Variants in NEURL1 observed in about 807,000 individuals in gnomAD.
The protein encoded by NEURL1 is neuralized E3 ubiquitin protein ligase 1, also known as E3 ubiquitin-protein ligase NEURL1.
A neutral mutation model predicts 41.2 loss-of-function variants in NEURL1; 26 were observed. The ratio of observed to expected loss-of-function variants is 0.63; its 90% CI spans 0.46 to 0.87. The LOEUF (loss-of-function observed/expected upper bound fraction) is 0.87. NEURL1 is among the 40% of genes least tolerant of loss of function. The pLI is 0.00. For synonymous variants in NEURL1, 400 were observed against 402.3 expected (o/e 0.99, Z 0.07); for missense variants, 761 against 871.1 (o/e 0.87, Z 1.59).
chr10:103,559,845 C>CACACACACATATGTGT (rs2035244046), intron 1 of NEURL1, among the ~76,000 whole-genome samples: 2 of 144,008 alleles, frequency 1.4e-5, no homozygotes, highest in African/African-American at 5.2e-5. Flanking sequence ...CACATATGTG[C>CACACACACATATGTGT]GCACACACAC....
chr10:103,569,423 A>G (rs1477954737), intron 1 of NEURL1, among the ~76,000 whole-genome samples: 3 of 152,176 alleles, frequency 2.0e-5, no homozygotes, highest in Non-Finnish European at 4.4e-5. Flanking sequence ...TTCTACCTCT[A>G]GATGTGAACC....
At chr10:103,587,043 C>T (rs1226952814) in intron 4 of NEURL1, among the ~76,000 whole-genome samples, 2 of 150,848 alleles carry the variant, frequency 1.3e-5, no homozygotes, top group African/African-American at 4.9e-5. Flanking sequence ...AGTGAGATTC[C>T]ATCTCAAGAA....
chr10:103,570,237 CA>C (rs1315180538), intron 1 of NEURL1, among the ~76,000 whole-genome samples: 1 of 152,186 alleles, frequency 6.6e-6, no homozygotes, highest in Non-Finnish European at 1.5e-5. Flanking sequence ...GGGGCCCCAC[CA>C]GAGTCCCCAG....
chr10:103,571,527 C>T lies in NEURL1; in HGVS notation c.354C>T (p.Ser118=), dbSNP rs778447200. The part of the protein sequence containing the change: ...LKITKKQCCW[S]GALRLGFTSK... Reference sequence around the variant, plus strand: ...TCACCAAGAAGCAGTGCTGCTGGAGCGGGGCCCTGCGGCTGGGCTTCACCA... The same window carrying T: ...TCACCAAGAAGCAGTGCTGCTGGAGTGGGGCCCTGCGGCTGGGCTTCACCA... Residue 118 remains serine (S), a synonymous_variant, in exon 3 of 6, where the codon AGC becomes AGT. Transcript: ENST00000369780. The T allele has an allele frequency of 4.9e-5, 78 of 1,607,692 alleles. No homozygotes were observed. The highest frequency in any genetic ancestry group is 2.2e-5 in the East Asian group (1 of 44,872).
chr10:103,515,560 G>C (rs2133851997), intron 1 of NEURL1, among the ~76,000 whole-genome samples: 1 of 152,346 alleles, frequency 6.6e-6, no homozygotes, highest in Admixed American at 6.5e-5. Flanking sequence ...CATTAGCCAA[G>C]GCTGTTTATA....
intron 1 of NEURL1, among the ~76,000 whole-genome samples, chr10:103,535,602 G>A (rs1254087127): frequency 6.6e-6 from 1 of 152,138 alleles, no homozygotes; most frequent in East Asian, 1.9e-4. Context: ...TTTCTGGGAT[G>A]TAAGGCACTC....
chr10:103,542,850 T>C (rs2034848949), intron 1 of NEURL1, among the ~76,000 whole-genome samples: 1 of 152,190 alleles, frequency 6.6e-6, no homozygotes, highest in South Asian at 2.1e-4. Context: ...ACCCGGGGGC[T>C]GGCTGCTTAT....
intron 1 of NEURL1, among the ~76,000 whole-genome samples, chr10:103,549,312 AGCTGTCACG>A (rs2034987729): frequency 6.6e-6 from 1 of 152,180 alleles, no homozygotes; most frequent in Admixed American, 6.5e-5. Context: ...GGCGGCTGGC[AGCTGTCACG>A]GCTGGGGCAC....
At chr10:103,563,189 C>T (rs2035342506) in intron 1 of NEURL1, among the ~76,000 whole-genome samples, 1 of 152,148 alleles carries the variant, frequency 6.6e-6, no homozygotes, top group Admixed American at 6.5e-5. Flanking sequence ...GTTATGTTTG[C>T]TTTTATATTT....
At chr10:103,547,851 C>T (rs930338268) in intron 1 of NEURL1, among the ~76,000 whole-genome samples, 6 of 151,732 alleles carry the variant, frequency 4.0e-5, no homozygotes, top group East Asian at 1.9e-4. Flanking sequence ...AGTGTGTTTC[C>T]GCATCTCGGA....
chr10:103,565,707 A>G (rs1285551969), intron 1 of NEURL1, among the ~76,000 whole-genome samples: 1 of 152,194 alleles, frequency 6.6e-6, no homozygotes, highest in East Asian at 1.9e-4. Context: ...CCCAGGATAG[A>G]GTGCAATGGT....
chr10:103,496,454 CA>C (rs1033827110), intron 1 of NEURL1, among the ~76,000 whole-genome samples: 48 of 152,280 alleles, frequency 3.2e-4, no homozygotes, highest in African/African-American at 1.0e-3. Context: ...ACAAAACAAG[CA>C]AAAATGCTTG....
At position 103,584,582 on chromosome 10, in the gene NEURL1, C is replaced by T; in HGVS notation, c.696C>T (p.Thr232=). 1.4e-6 allele frequency: 2 copies of T among 1,414,876 alleles called. No homozygotes were observed. Among genetic ancestry groups the T allele is most frequent in the Admixed American group, 3.1e-5 (1 of 32,656 alleles). 87.6% of individuals were successfully genotyped at this position (1,414,876 alleles called of 1,614,324 possible). Residue 232 remains threonine (T), a synonymous_variant, in exon 4 of 6, where the codon ACC becomes ACT. Transcript: ENST00000369780. The part of the protein sequence containing the change: ...LPDCLRPRSF[T]ALRRPSLRRE... ...ACTGTCTGCGGCCGCGCTCCTTCAC[C>T]GCCCTGCGGCGGCCGTCGCTGCGGC...
intron 1 of NEURL1, among the ~76,000 whole-genome samples, chr10:103,511,628 C>T (rs568836811): frequency 9.2e-5 from 14 of 152,316 alleles, no homozygotes; most frequent in African/African-American, 3.1e-4. Flanking sequence ...TGGTTGCCAT[C>T]GTTGGGCTCA....
chr10:103,516,701 G>A (rs2034214457), intron 1 of NEURL1, among the ~76,000 whole-genome samples: 1 of 152,196 alleles, frequency 6.6e-6, no homozygotes, highest in South Asian at 2.1e-4. Flanking sequence ...ATATGGCACA[G>A]TGCAGTGGTT....
intron 3 of NEURL1, among the ~76,000 whole-genome samples, chr10:103,580,007 C>G (rs1440523624): frequency 6.6e-6 from 1 of 152,156 alleles, no homozygotes; most frequent in Non-Finnish European, 1.5e-5. Flanking sequence ...TCCACTGACT[C>G]TTGGCTCCCA....
intron 1 of NEURL1, among the ~76,000 whole-genome samples, chr10:103,504,300 G>A (rs2033897929): frequency 6.6e-6 from 1 of 152,022 alleles, no homozygotes; most frequent in South Asian, 2.1e-4. Context: ...CTGTTGTCAT[G>A]TTTTCTTAGT....
chr10:103,566,785 G>C lies in NEURL1; in HGVS notation c.86-4087G>C, dbSNP rs909406068. Among the ~76,000 whole-genome samples, 6 of 152,100 alleles carry C rather than the reference G, an allele frequency of 3.9e-5. No homozygotes were observed. The highest frequency in any genetic ancestry group is 1.4e-4 in the African/African-American group (6 of 41,418). On this transcript the variant is annotated intron_variant, in intron 1 of 5. Coordinates refer to ENST00000369780, the MANE Select transcript of NEURL1 (RefSeq NM_004210.5). The surrounding 1 kb of genome is among the most constrained non-coding windows in gnomAD (Gnocchi z 4.2). Reference sequence around the variant, plus strand: ...AACTGCCAAACCATTCTCAACACTGGCTTTCCAGGTTGTGTCGTGTCCCAA... The same window carrying C: ...AACTGCCAAACCATTCTCAACACTGCCTTTCCAGGTTGTGTCGTGTCCCAA...
chr10:103,543,370 G>T (rs560061328), intron 1 of NEURL1, among the ~76,000 whole-genome samples: 1 of 152,200 alleles, frequency 6.6e-6, no homozygotes, highest in Non-Finnish European at 1.5e-5. Context: ...CTGGTGCTGC[G>T]AGGTCACGGC....
Sources: allele counts gnomAD v4.1 joint callset (sites outside exome capture counted in the v4.1 genomes callset), GRCh38; gene constraint gnomAD v4.1.1; non-coding constraint Gnocchi (gnomAD v3.1); transcripts MANE v1.5; gene names NCBI Gene and HGNC (gene_info 2026-07-23, HGNC 2026-07-21).